Variants in HMGB2 observed in about 807,000 individuals in gnomAD.
The protein encoded by HMGB2 is high mobility group box 2.
Under a neutral mutation model 23.0 loss-of-function variants are expected in HMGB2, and 2 were observed. The observed-to-expected ratio is 0.09, with a 90% CI of 0.04 to 0.27. The LOEUF is 0.27. Ranked by LOEUF, HMGB2 falls within the 10% of genes least tolerant of loss-of-function variation. The pLI is 1.00. For synonymous variants in HMGB2, 99 were observed against 87.5 expected (o/e 1.13, Z -0.73); for missense variants, 178 against 256.5 (o/e 0.69, Z 2.09).
Position 173,333,891 on chromosome 4 carries a change from G to A in HMGB2, c.-20-222C>T, listed in dbSNP as rs1219469394. On this transcript the variant is annotated intron_variant, in intron 1 of 4. Coordinates refer to ENST00000296503, the MANE Select transcript of HMGB2 (RefSeq NM_002129.4). This position sits in a 1 kb window ranked among gnomAD's most constrained non-coding sequence, Gnocchi z 4.6. ...CCTCCTCCTCCCGGCCCGAGCGGCC[G>A]CGGCTCAGCCCAGCAAGTGGCTCCC... Among the ~76,000 whole-genome samples the A allele has an allele frequency of 6.6e-6, 1 of 151,238 alleles. No homozygotes were observed. The highest frequency in any genetic ancestry group is 2.4e-5 in the African/African-American group (1 of 41,238).
chr4:173,331,782 A>T lies in HMGB2; in HGVS notation c.*298T>A, dbSNP rs1372097405. ...AAAAAACCCAAAATTTACTATTGAT[A>T]CTAATTCCTACAAGTTTGCTGTGCT... On this transcript the variant is annotated 3_prime_UTR_variant, in exon 5 of 5. Coordinates refer to ENST00000296503, the MANE Select transcript of HMGB2 (RefSeq NM_002129.4). 2 of 265,378 alleles carry T rather than the reference A, an allele frequency of 7.5e-6. No homozygotes were observed. Among genetic ancestry groups the T allele is most frequent in the Non-Finnish European group, 1.4e-5 (2 of 142,208 alleles). The allele number at this position is 265,378 out of a possible 1,614,324, so 16.4% of individuals were successfully genotyped here.
Position 173,333,371 on chromosome 4 carries a change from C to CTT in HMGB2, c.150+127_150+128dup. 8 of 1,384,336 alleles carry CTT rather than the reference C, an allele frequency of 5.8e-6. No individual in the cohort carries two copies. The highest frequency in any genetic ancestry group is 7.9e-6 in the Non-Finnish European group (8 of 1,015,740). The allele number at this position is 1,384,336 out of a possible 1,614,324, so 85.8% of individuals were successfully genotyped here. A position where few individuals can be genotyped will look rare whatever the true frequency, so the allele number is the denominator to read the frequency against. On this transcript the variant is annotated intron_variant, in intron 2 of 4. Coordinates refer to ENST00000296503, the MANE Select transcript of HMGB2 (RefSeq NM_002129.4). This position sits in a 1 kb window ranked among gnomAD's most constrained non-coding sequence, Gnocchi z 4.6. ...AACCTAAAATCGTCTGCCTGGAACT[C>CTT]TTAAGATATTCAGGTGAGTCACTGG...
At position 173,333,049 on chromosome 4, in the gene HMGB2, T is replaced by C. The variant is rs138784157; in HGVS notation, c.296+20A>G. On this transcript the variant is annotated intron_variant, in intron 3 of 4. Coordinates refer to ENST00000296503, the MANE Select transcript of HMGB2 (RefSeq NM_002129.4). This position sits in a 1 kb window ranked among gnomAD's most constrained non-coding sequence, Gnocchi z 4.6. ...CTGAAGGAAAAATCCAAGGAGCAAT[T>C]TGGGTTATTTTAAACTTACGGTGGC... The C allele has an allele frequency of 3.1e-6, 5 of 1,612,474 alleles. No individual in the cohort carries two copies. The highest frequency in any genetic ancestry group is 1.1e-5 in the South Asian group (1 of 90,976).
rs1330979322 is a variant in HMGB2 at position 173,333,048 on chromosome 4, T to C, written c.296+21A>G. On this transcript the variant is annotated intron_variant, in intron 3 of 4. Coordinates refer to ENST00000296503, the MANE Select transcript of HMGB2 (RefSeq NM_002129.4). The surrounding 1 kb of genome is among the most constrained non-coding windows in gnomAD (Gnocchi z 4.6). ...ACTGAAGGAAAAATCCAAGGAGCAA[T>C]TTGGGTTATTTTAAACTTACGGTGG... 6.2e-7 allele frequency: 1 copy of C among 1,612,250 alleles called. No homozygotes were observed. Among genetic ancestry groups the C allele is most frequent in the African/African-American group, 1.3e-5 (1 of 74,724 alleles).
chr4:173,331,387 T>C lies in HMGB2; in HGVS notation c.*693A>G, dbSNP rs963635105. ...GTGTATATATATACATATATATATA[T>C]ATATATATGTATATATATATACACA... On this transcript the variant is annotated 3_prime_UTR_variant, in exon 5 of 5. Transcript: ENST00000296503. 7.1e-6 allele frequency among the ~76,000 whole-genome samples: 1 copy of C among 140,524 alleles called. No individual in the cohort carries two copies. The highest frequency in any genetic ancestry group is 2.9e-5 in the African/African-American group (1 of 34,708). The allele number at this position is 140,524 out of a possible 152,430, so 92.2% of individuals were successfully genotyped here.
chr4:173,332,385 C>T (rs1462516225), intron 4 of HMGB2, 147 bp from the exon 5 acceptor site: 1 of 610,230 alleles, frequency 1.6e-6, no homozygotes, highest in Non-Finnish European at 2.8e-6. Flanking sequence ...AGCACTTATC[C>T]CACTAGGCTT....
Position 173,333,680 on chromosome 4 carries a change from C to CGAGGGGG in HMGB2, c.-20-18_-20-12dup. On this transcript the variant is annotated splice_polypyrimidine_tract_variant and intron_variant, in intron 1 of 4. Transcript: ENST00000296503. The surrounding 1 kb of genome is among the most constrained non-coding windows in gnomAD (Gnocchi z 4.6). ...CAGATCCGCGTCCACCTGACGGGGC[C>CGAGGGGG]GAGGGGGGAGAGGGGAAGCCGGAGG... The CGAGGGGG allele has an allele frequency of 1.3e-6, 2 of 1,577,840 alleles. No individual in the cohort carries two copies. Among genetic ancestry groups the CGAGGGGG allele is most frequent in the Non-Finnish European group, 1.7e-6 (2 of 1,158,604 alleles).
rs777987301 is a variant in HMGB2, at chr4:173,332,053, C to T, written c.*27G>A. On this transcript the variant is annotated 3_prime_UTR_variant, in exon 5 of 5. Coordinates refer to ENST00000296503, the MANE Select transcript of HMGB2 (RefSeq NM_002129.4). ...AATTGCCTGAGCACACACACACATT[C>T]CACACGCATCATTAAAGGATAGCCA... is the stretch of plus-strand genomic sequence containing the variant. 6.2e-7 allele frequency: 1 copy of T among 1,612,882 alleles called. No homozygotes were observed. Among genetic ancestry groups the T allele is most frequent in the Admixed American group, 1.7e-5 (1 of 59,954 alleles).
chr4:173,332,104 C>T lies in HMGB2; in HGVS notation c.606G>A (p.Glu202=), dbSNP rs1560809286. Residue 202 remains glutamate (E), a synonymous_variant, in exon 5 of 5, where the codon GAG becomes GAA. Transcript: ENST00000296503. ...EEEEEEDEDE[E]EEDEDEE is the part of the protein sequence containing the mutation. ...TTTATTCTTCATCTTCATCCTCTTC[C>T]TCCTCATCTTCATCTTCTTCTTCCT... 1 of 1,611,056 alleles carries T rather than the reference C, an allele frequency of 6.2e-7. No homozygotes were observed. The highest frequency in any genetic ancestry group is 1.3e-5 in the African/African-American group (1 of 74,828).
chr4:173,333,153 T>A lies in HMGB2; in HGVS notation c.212A>T (p.Tyr71Phe). The A allele has an allele frequency of 6.2e-7, 1 of 1,614,172 alleles. No homozygotes were observed. The highest frequency in any genetic ancestry group is 8.5e-7 in the Non-Finnish European group (1 of 1,179,996). Reference protein sequence around the residue: ...EDMAKSDKARYDREMKNYVPP... With the variant: ...EDMAKSDKARFDREMKNYVPP... ...AACGTAATTTTTCATCTCCCTGTCA[T>A]AGCGAGCTTTGTCACTTTTTGCCAT... Residue 71 changes from tyrosine to phenylalanine, a missense_variant, in exon 3 of 5, where the codon TAT becomes TTT. Physicochemically the swap from Tyr to Phe is conservative, Grantham distance 22 (BLOSUM62 3). This residue lies in a region of HMGB2 where 90 missense variants were observed against 114.4 expected (regional missense o/e 0.79). Transcript: ENST00000296503. This position sits in a 1 kb window ranked among gnomAD's most constrained non-coding sequence, Gnocchi z 4.6.
At position 173,331,414 on chromosome 4, in the gene HMGB2, A is replaced by C. The variant is rs868645089; in HGVS notation, c.*666T>G. ...TATATATGTATATATATATACACAC[A>C]CCTGAGGAACAATTTAGCTAATAAA... On this transcript the variant is annotated 3_prime_UTR_variant, in exon 5 of 5. Transcript: ENST00000296503. Among the ~76,000 whole-genome samples the C allele has an allele frequency of 6.8e-6, 1 of 147,564 alleles. No homozygotes were observed. The highest frequency in any genetic ancestry group is 2.5e-5 in the African/African-American group (1 of 40,318).
chr4:173,332,723 A>G, intron 4 of HMGB2, 98 bp downstream of exon 4: 1 of 1,073,790 alleles, frequency 9.3e-7, no homozygotes, highest in Non-Finnish European at 1.4e-6. Context: ...AACATAGCTG[A>G]CAACCATTAA....
intron 4 of HMGB2, 81 bp from the exon 5 acceptor site, chr4:173,332,319 T>C (rs1738122957): frequency 1.9e-6 from 2 of 1,080,544 alleles, no homozygotes; most frequent in Admixed American, 2.6e-5. Context: ...CAATCTAAGA[T>C]GATTGACCAA....
In HMGB2 at chr4:173,331,407, T is replaced by TAA. The variant is rs1364798194; in HGVS notation, c.*672_*673insTT. On this transcript the variant is annotated 3_prime_UTR_variant, in exon 5 of 5. Transcript: ENST00000296503. ...ATATATATATATATGTATATATATA[T>TAA]ACACACACCTGAGGAACAATTTAGC... 6.8e-6 allele frequency among the ~76,000 whole-genome samples: 1 copy of TAA among 147,184 alleles called. No homozygotes were observed. Among genetic ancestry groups the TAA allele is most frequent in the African/African-American group, 2.5e-5 (1 of 40,104 alleles).
intron 4 of HMGB2, 142 bp downstream of exon 4, chr4:173,332,679 G>T: frequency 2.7e-6 from 2 of 742,548 alleles, no homozygotes; most frequent in Non-Finnish European, 4.6e-6. Flanking sequence ...ATTACCTTGT[G>T]TTGAAGTGTA....
Position 173,331,995 on chromosome 4 carries a change from G to C in HMGB2, c.*85C>G, listed in dbSNP as rs1344976066. The C allele has an allele frequency of 1.6e-5, 25 of 1,583,724 alleles. No homozygotes were observed. Among genetic ancestry groups the C allele is most frequent in the Non-Finnish European group, 2.1e-5 (24 of 1,162,780 alleles). On this transcript the variant is annotated 3_prime_UTR_variant, in exon 5 of 5. Transcript: ENST00000296503. Reference sequence around the variant, plus strand: ...CAGTTTTTATACTGAAGCTAGTATTGAGCTGCACTTGAATTCACATTCTTA... The same window carrying C: ...CAGTTTTTATACTGAAGCTAGTATTCAGCTGCACTTGAATTCACATTCTTA...
chr4:173,334,001 C>T (rs1412751756), intron 1 of HMGB2: 2 of 161,552 alleles, frequency 1.2e-5, no homozygotes, highest in East Asian at 3.5e-4. Context: ...ACAGAAATGT[C>T]CCCCAGCTCC....
rs909420539 is a variant in HMGB2, at chr4:173,333,710, G to A, written c.-20-41C>T. 5 of 1,484,394 alleles carry A rather than the reference G, an allele frequency of 3.4e-6. No individual in the cohort carries two copies. The highest frequency in any genetic ancestry group is 5.1e-5 in the East Asian group (2 of 39,468). 92.0% of individuals were successfully genotyped at this position (1,484,394 alleles called of 1,614,324 possible). ...GGGGAGAGGGGAAGCCGGAGGGTCG[G>A]CGCGGAGCCCGCAGCTGCCAGGGCG... On this transcript the variant is annotated intron_variant, in intron 1 of 4. Transcript: ENST00000296503. The surrounding 1 kb of genome is among the most constrained non-coding windows in gnomAD (Gnocchi z 4.6).
chr4:173,332,047 C>A lies in HMGB2; in HGVS notation c.*33G>T. ...CAAAATAATTGCCTGAGCACACACA[C>A]ACATTCCACACGCATCATTAAAGGA... On this transcript the variant is annotated 3_prime_UTR_variant, in exon 5 of 5. Coordinates refer to ENST00000296503, the MANE Select transcript of HMGB2 (RefSeq NM_002129.4). The A allele has an allele frequency of 6.2e-7, 1 of 1,612,842 alleles. No individual in the cohort carries two copies. Among genetic ancestry groups the A allele is most frequent in the Non-Finnish European group, 8.5e-7 (1 of 1,179,686 alleles).
Sources: gnomAD v4.1 joint callset for allele counts (sites outside exome capture counted in the v4.1 genomes callset) on GRCh38, gnomAD v4.1.1 for gene constraint, gnomAD v4.1.1 regional missense constraint, Gnocchi (gnomAD v3.1) non-coding constraint, MANE v1.5 for transcripts, NCBI Gene and HGNC (gene_info 2026-07-23, HGNC 2026-07-21) for gene names.